The following COL4A2 variants were observed in gnomAD, a reference collection of about 807,000 sequenced individuals.
The protein encoded by COL4A2 is collagen alpha-2(IV) chain.
COL4A2 carries 99 observed loss-of-function variants against 200.2 expected under a neutral mutation model. The observed-to-expected ratio is 0.49, with a 90% CI of 0.42 to 0.58. The LOEUF (loss-of-function observed/expected upper bound fraction) is 0.58, where lower values mean the gene tolerates loss of function less well. Ranked by LOEUF, COL4A2 falls within the 20% of genes least tolerant of loss-of-function variation. The probability of loss-of-function intolerance (pLI) is 0.00; values close to 1 mark genes in which losing one functional copy is unlikely to be tolerated. For synonymous variants in COL4A2, 897 were observed against 900.6 expected (o/e 1.00, Z 0.07); for missense variants, 1,950 against 2,314.1 (o/e 0.84, Z 3.23).
At chr13:110,425,149 TTCAG>T in intron 6 of COL4A2, 152 bp downstream of exon 6, 1 of 885,806 alleles carries the variant, frequency 1.1e-6, no homozygotes, top group South Asian at 1.7e-5. Flanking sequence ...CCCCGCGGAA[TTCAG>T]TCAGACAGTG....
intron 28 of COL4A2, among the ~76,000 whole-genome samples, chr13:110,469,906 CTTTTTTT>C (rs66524559): frequency 2.5e-4 from 19 of 75,614 alleles, no homozygotes; most frequent in African/African-American, 9.9e-4. Flanking sequence ...GCATACACGT[CTTTTTTT>C]TTTTTTTTTT....
Position 110,438,656 on chromosome 13 carries a change from T to A in COL4A2, c.900T>A (p.Phe300Leu), listed in dbSNP as rs775358778. The stretch of plus-strand genomic sequence containing the variant: ...AGGGAGAAGAAGGAATCATGGGCTT[T>A]CCTGGACTGAGGGTAAACCACGCCT... ...SLKGEEGIMG[F>L]PGLRGYPGLS... Residue 300 changes from phenylalanine to leucine, a missense_variant, in exon 15 of 48, where the codon TTT becomes TTA. Phe to Leu is a conservative substitution (Grantham distance 22). This residue lies in a region of COL4A2 where 565 missense variants were observed against 593.5 expected (regional missense o/e 0.95). Transcript: ENST00000360467. The A allele has an allele frequency of 2.4e-5, 38 of 1,614,128 alleles. No homozygotes were observed. Among genetic ancestry groups the A allele is most frequent in the Non-Finnish European group, 3.2e-5 (38 of 1,180,044 alleles).
intron 22 of COL4A2, chr13:110,461,878 C>A (rs539538495): frequency 1.7e-6 from 1 of 598,426 alleles, no homozygotes; most frequent in Non-Finnish European, 2.9e-6. Flanking sequence ...CCATCCAGTT[C>A]CTCAGTCCCA....
chr13:110,485,160 G>A (rs981648853), intron 33 of COL4A2, 133 bp downstream of exon 33: 17 of 739,794 alleles, frequency 2.3e-5, no homozygotes, highest in African/African-American at 5.3e-5. Flanking sequence ...ATCTCTGGGC[G>A]CCCTGTGTGT....
At chr13:110,419,294 T>TA (rs1477452877) in intron 4 of COL4A2, among the ~76,000 whole-genome samples, 1 of 152,222 alleles carries the variant, frequency 6.6e-6, no homozygotes, top group Non-Finnish European at 1.5e-5. Context: ...ATTCTACCAG[T>TA]AAAATACTGT....
At chr13:110,425,107 T>A in intron 6 of COL4A2, 110 bp downstream of exon 6, 3 of 1,264,774 alleles carry the variant, frequency 2.4e-6, no homozygotes, top group Non-Finnish European at 3.4e-6. Flanking sequence ...GTTTATGACA[T>A]AAAACACGTG....
In COL4A2 at chr13:110,307,623, G is replaced by A. The variant is rs1884816608; in HGVS notation, c.-45+95G>A. ...CTAGGGCTGCACGCTCTCCTGCTTG[G>A]GAGTAGAAAGGGGGAGGGTGGGAGA... On this transcript the variant is annotated intron_variant, in intron 1 of 47. Coordinates refer to ENST00000360467, the MANE Select transcript of COL4A2 (RefSeq NM_001846.4). This position sits in a 1 kb window ranked among gnomAD's most constrained non-coding sequence, Gnocchi z 5.0. The A allele has an allele frequency of 3.7e-6, 2 of 543,516 alleles. No homozygotes were observed. The highest frequency in any genetic ancestry group is 7.0e-5 in the Admixed American group (2 of 28,678). The allele number at this position is 543,516 out of a possible 1,614,324, so 33.7% of individuals were successfully genotyped here.
At chr13:110,498,487 C>G (rs542188704) in intron 40 of COL4A2, among the ~76,000 whole-genome samples, 1 of 152,256 alleles carries the variant, frequency 6.6e-6, no homozygotes, top group South Asian at 2.1e-4. Flanking sequence ...AGGGGGGTCA[C>G]AGAACACAGC....
intron 4 of COL4A2, among the ~76,000 whole-genome samples, chr13:110,402,753 C>T (rs968362790): frequency 1.3e-5 from 2 of 152,260 alleles, no homozygotes; most frequent in African/African-American, 4.8e-5. Context: ...CCTTGTGGGG[C>T]CTCTGTTGTT....
chr13:110,330,109 T>C (rs903150157), intron 3 of COL4A2, among the ~76,000 whole-genome samples: 36 of 152,228 alleles, frequency 2.4e-4, no homozygotes, highest in African/African-American at 8.7e-4. Flanking sequence ...AGACGGAGAA[T>C]GAGTTTTACC....
chr13:110,398,896 T>C (rs1879275815), intron 4 of COL4A2, among the ~76,000 whole-genome samples: 1 of 152,012 alleles, frequency 6.6e-6, no homozygotes, highest in African/African-American at 2.4e-5. Context: ...TCAAAAAAAG[T>C]ATTTTTAGCC....
Position 110,424,948 on chromosome 13 carries a change from C to T in COL4A2, c.316-5C>T. On this transcript the variant is annotated splice_polypyrimidine_tract_variant and splice_region_variant and intron_variant, in intron 5 of 47. Coordinates refer to ENST00000360467, the MANE Select transcript of COL4A2 (RefSeq NM_001846.4). ...CTTGGTTAATTGCATTTGCTTTCTT[C>T]ATAGGGAGCAAGAGGCGTTTCTGGA... The T allele has an allele frequency of 6.2e-7, 1 of 1,614,208 alleles. No homozygotes were observed. The highest frequency in any genetic ancestry group is 8.5e-7 in the Non-Finnish European group (1 of 1,180,048).
intron 3 of COL4A2, among the ~76,000 whole-genome samples, chr13:110,326,362 T>G (rs988309596): frequency 1.3e-5 from 2 of 152,212 alleles, no homozygotes; most frequent in Non-Finnish European, 2.9e-5. Flanking sequence ...GTGCAATTCC[T>G]GCACTTTCCT....
intron 4 of COL4A2, among the ~76,000 whole-genome samples, chr13:110,406,953 G>A (rs902712715): frequency 2.0e-5 from 3 of 152,148 alleles, no homozygotes; most frequent in African/African-American, 4.8e-5. Context: ...TCAGGGGCCC[G>A]GCAGGGTCTC....
At chr13:110,310,919 C>T (rs953058718) in intron 3 of COL4A2, among the ~76,000 whole-genome samples, 5 of 152,186 alleles carry the variant, frequency 3.3e-5, no homozygotes, top group Admixed American at 1.3e-4. Context: ...TTGCAGCCCT[C>T]GCCCAAGGTT....
Position 110,357,566 on chromosome 13 carries a change from T to G in COL4A2, c.180+14T>G, listed in dbSNP as rs1435298004. On this transcript the variant is annotated intron_variant, in intron 4 of 47. Transcript: ENST00000360467. ...AAAGGTGGACGTGTAAGTCACAGCA[T>G]TGCAATAAATAATATTATCTTCCTC... 6.4e-7 allele frequency: 1 copy of G among 1,564,882 alleles called. No individual in the cohort carries two copies. Among genetic ancestry groups the G allele is most frequent in the African/African-American group, 1.4e-5 (1 of 73,428 alleles).
At chr13:110,388,510 C>G (rs958356828) in intron 4 of COL4A2, among the ~76,000 whole-genome samples, 6 of 152,222 alleles carry the variant, frequency 3.9e-5, no homozygotes. Flanking sequence ...TTTTAGACCA[C>G]AGAGCAAGAT....
intron 4 of COL4A2, among the ~76,000 whole-genome samples, chr13:110,388,935 C>T (rs1192999680): frequency 6.6e-6 from 1 of 152,216 alleles, no homozygotes; most frequent in Non-Finnish European, 1.5e-5. Flanking sequence ...GTCTCCACTC[C>T]TCACGGTCTG....
At chr13:110,358,284 A>G (rs1352966136) in intron 4 of COL4A2, among the ~76,000 whole-genome samples, 1 of 152,190 alleles carries the variant, frequency 6.6e-6, no homozygotes, top group Non-Finnish European at 1.5e-5. Context: ...CGGGCTCAGG[A>G]TAATCAATAT....
Sources: allele counts gnomAD v4.1 joint callset (sites outside exome capture counted in the v4.1 genomes callset), GRCh38; gene constraint gnomAD v4.1.1; regional missense constraint gnomAD v4.1.1; non-coding constraint Gnocchi (gnomAD v3.1); transcripts MANE v1.5; gene names NCBI Gene and HGNC (gene_info 2026-07-23, HGNC 2026-07-21).